Variants in ATP11C observed in about 807,000 individuals in gnomAD.
ATP11C encodes ATPase phospholipid transporting 11C (ATP11C blood group).
Under a neutral mutation model 97.4 loss-of-function variants are expected in ATP11C, and 36 were observed. The ratio of observed to expected loss-of-function variants is 0.37; its 90% CI spans 0.28 to 0.49. The LOEUF is 0.49. ATP11C is among the 20% of genes least tolerant of loss of function. ATP11C has a pLI of 0.98. For synonymous variants in ATP11C, 275 were observed against 290.9 expected, an observed-to-expected ratio of 0.95 and a Z score of 0.56; for missense variants, 730 against 824.6, an observed-to-expected ratio of 0.89 and a Z score of 1.40.
intron 1 of ATP11C, among the ~76,000 whole-genome samples, chrX:139,877,708 TTAA>T (rs1243622341): frequency 8.0e-5 from 9 of 112,517 alleles, no homozygotes; most frequent in African/African-American, 2.9e-4. Context: ...ATTATCTTTC[TTAA>T]TAAGAAATAA....
intron 1 of ATP11C, among the ~76,000 whole-genome samples, chrX:139,833,706 A>G (rs2147904140): frequency 9.0e-6 from 1 of 110,608 alleles, no homozygotes; most frequent in African/African-American, 3.3e-5. Context: ...AAAAACAAAC[A>G]TTCTTCCTAC....
At chrX:139,745,520 C>T (rs969779458) in intron 25 of ATP11C, among the ~76,000 whole-genome samples, 1 of 112,144 alleles carries the variant, frequency 8.9e-6, no homozygotes, top group Non-Finnish European at 1.9e-5. Context: ...CACATAAGCT[C>T]TCTAGTTAGC....
intron 1 of ATP11C, among the ~76,000 whole-genome samples, chrX:139,915,346 A>G (rs2085138907): frequency 8.9e-6 from 1 of 111,992 alleles, no homozygotes; most frequent in South Asian, 3.7e-4. Flanking sequence ...AAGAATTTGA[A>G]AAACACATAG....
Position 139,749,933 on chromosome X carries a change from A to C in ATP11C, c.2828+92T>G, listed in dbSNP as rs184574634. On this transcript the variant is annotated intron_variant, in intron 24 of 29. Coordinates refer to ENST00000682941, the MANE Select transcript of ATP11C (RefSeq NM_001353812.2). ...AACCATATAATCATACCACAAACCA[A>C]GTGCACAGTTCTGTGTTCTTCCCAT... 325 of 907,776 alleles carry C rather than the reference A, an allele frequency of 3.6e-4. No homozygotes were observed. The African/African-American group carries it at 5.4e-3, about 15-fold the overall frequency. The allele number at this position is 907,776 out of a possible 1,213,427, so 74.8% of individuals were successfully genotyped here. A position where few individuals can be genotyped will look rare whatever the true frequency, so the allele number is the denominator to read the frequency against.
At position 139,727,674 on chromosome X, in the gene ATP11C, C is replaced by CA. The variant is rs1169693299; in HGVS notation, c.*1291dup. 9.3e-6 allele frequency: 1 copy of CA among 107,048 alleles called. No individual in the cohort carries two copies. Among genetic ancestry groups the CA allele is most frequent in the Non-Finnish European group, 2.0e-5 (1 of 51,273 alleles). The allele number at this position is 107,048 out of a possible 1,213,427, so 8.8% of individuals were successfully genotyped here. On this transcript the variant is annotated 3_prime_UTR_variant, in exon 30 of 30. Transcript: ENST00000682941. ...GCATGCCAGAAAGACAAAAAAAAAA[C>CA]AAAAAAACTAGCAGTCAAATAAATA...
rs1004448205 is a variant in ATP11C, at chrX:139,727,577, A to G, written c.*1389T>C. 4 of 111,285 alleles carry G rather than the reference A, an allele frequency of 3.6e-5. No individual in the cohort carries two copies. The highest frequency in any genetic ancestry group is 1.9e-5 in the Non-Finnish European group (1 of 52,861). 9.2% of individuals were successfully genotyped at this position (111,285 alleles called of 1,213,427 possible). On this transcript the variant is annotated 3_prime_UTR_variant, in exon 30 of 30. Transcript: ENST00000682941. The stretch of plus-strand genomic sequence containing the variant: ...GAATCAAATGTGCCATATGGACTAT[A>G]TAAATATAATACAGATTAACTCCAA...
intron 1 of ATP11C, among the ~76,000 whole-genome samples, chrX:139,892,245 T>C (rs1205601034): frequency 9.0e-6 from 1 of 111,281 alleles, no homozygotes; most frequent in Non-Finnish European, 1.9e-5. Flanking sequence ...GCATGGCAGA[T>C]CAAAAAGTAC....
chrX:139,811,122 T>C (rs914128778), intron 5 of ATP11C, among the ~76,000 whole-genome samples: 1 of 111,455 alleles, frequency 9.0e-6, no homozygotes, highest in Non-Finnish European at 1.9e-5. Flanking sequence ...TGACATATGA[T>C]TGAGAGGTGT....
chrX:139,933,639 C>T (rs2085485162), upstream of ATP11C, among the ~76,000 whole-genome samples: 1 of 112,260 alleles, frequency 8.9e-6, no homozygotes, highest in Admixed American at 9.4e-5. Flanking sequence ...TTCAGAGACT[C>T]TTACACGAGT....
chrX:139,769,323 TA>T (rs2082207966), intron 19 of ATP11C, among the ~76,000 whole-genome samples: 4 of 73,933 alleles, frequency 5.4e-5, no homozygotes, highest in Admixed American at 4.9e-4. Flanking sequence ...TATATATATA[TA>T]TATTCTTTAA....
intron 23 of ATP11C, among the ~76,000 whole-genome samples, chrX:139,756,778 T>C (rs1256958032): frequency 9.1e-6 from 1 of 109,301 alleles, no homozygotes; most frequent in Non-Finnish European, 1.9e-5. Flanking sequence ...TGAGAACATA[T>C]GGACACAAAG....
intron 1 of ATP11C, among the ~76,000 whole-genome samples, chrX:139,884,014 T>C (rs1330855685): frequency 8.9e-6 from 1 of 112,098 alleles, no homozygotes; most frequent in Non-Finnish European, 1.9e-5. Context: ...TTTTCAACAA[T>C]ATCAAGGGAT....
intron 1 of ATP11C, among the ~76,000 whole-genome samples, chrX:139,930,635 C>T (rs906802751): frequency 1.8e-5 from 2 of 112,008 alleles, no homozygotes; most frequent in Non-Finnish European, 3.8e-5. Context: ...TTCAGCAAAG[C>T]TATCAGTACA....
intron 20 of ATP11C, 99 bp downstream of exon 20, chrX:139,768,161 G>A: frequency 1.7e-6 from 1 of 585,435 alleles, no homozygotes; most frequent in Non-Finnish European, 2.4e-6. Flanking sequence ...TAGTAATAAT[G>A]GCCCTTTGAA....
At chrX:139,866,334 ACT>A (rs1381175451) in intron 1 of ATP11C, among the ~76,000 whole-genome samples, 34 of 82,396 alleles carry the variant, frequency 4.1e-4, no homozygotes, top group Admixed American at 7.4e-4. Context: ...ACAGAGAAAG[ACT>A]CTGTCTCAAA....
chrX:139,732,965 T>C (rs1013363246), intron 28 of ATP11C, among the ~76,000 whole-genome samples: 1 of 111,622 alleles, frequency 9.0e-6, no homozygotes, highest in African/African-American at 3.3e-5. Flanking sequence ...CCTATGCAAC[T>C]GTACAGATAC....
intron 14 of ATP11C, 74 bp from the exon 15 acceptor site, chrX:139,787,318 G>A: frequency 1.1e-6 from 1 of 904,082 alleles, no homozygotes; most frequent in Non-Finnish European, 1.5e-6. Flanking sequence ...TTTTTTTTGA[G>A]ACAGAGTCTC....
intron 1 of ATP11C, among the ~76,000 whole-genome samples, chrX:139,869,735 A>C (rs1325763803): frequency 9.3e-6 from 1 of 107,133 alleles, no homozygotes; most frequent in African/African-American, 3.4e-5. Context: ...TGGAGGTTGC[A>C]GTGAGCTGAG....
chrX:139,780,770 G>A (rs1488207272), intron 18 of ATP11C, among the ~76,000 whole-genome samples: 1 of 111,938 alleles, frequency 8.9e-6, no homozygotes, highest in Non-Finnish European at 1.9e-5. Context: ...CGTGTCCTTT[G>A]CAGTAACATG....
Sources: gnomAD v4.1 joint callset for allele counts (sites outside exome capture counted in the v4.1 genomes callset) on GRCh38, gnomAD v4.1.1 for gene constraint, MANE v1.5 for transcripts, NCBI Gene and HGNC (gene_info 2026-07-23, HGNC 2026-07-21) for gene names.